GTF2B: variants seen among roughly 807,000 people sequenced by gnomAD.
The protein encoded by GTF2B is general transcription factor IIB.
A neutral mutation model predicts 34.6 loss-of-function variants in GTF2B; 20 were observed. The ratio of observed to expected loss-of-function variants is 0.58; its 90% CI spans 0.41 to 0.84. The LOEUF (loss-of-function observed/expected upper bound fraction) is 0.84. GTF2B is among the 40% of genes least tolerant of loss of function. The probability of loss-of-function intolerance (pLI) is 0.00; values close to 1 mark genes in which losing one functional copy is unlikely to be tolerated. For missense variants in GTF2B, 237 were observed against 393.3 expected (o/e 0.60, Z 3.36); for synonymous variants, 142 against 132.4 (o/e 1.07, Z -0.50).
chr1:88,881,786 C>T (rs1274180090), intron 2 of GTF2B, among the ~76,000 whole-genome samples: 1 of 152,056 alleles, frequency 6.6e-6, no homozygotes, highest in East Asian at 1.9e-4. Context: ...CAAGATTTAA[C>T]ATGGTGTTTG....
At chr1:88,872,520 T>G (rs1279446847) in intron 2 of GTF2B, among the ~76,000 whole-genome samples, 1 of 150,192 alleles carries the variant, frequency 6.7e-6, no homozygotes, top group Non-Finnish European at 1.5e-5. Flanking sequence ...CAAGTCTCTA[T>G]TAATATAATT....
At chr1:88,858,183 T>G (rs1295844494) in intron 5 of GTF2B, among the ~76,000 whole-genome samples, 1 of 151,846 alleles carries the variant, frequency 6.6e-6, no homozygotes, top group Non-Finnish European at 1.5e-5. Context: ...GTATTTTTAG[T>G]AGAGATGGGG....
At chr1:88,856,287 A>AAAAAAAAAAAAAAAAG (rs1673309532) in intron 6 of GTF2B, among the ~76,000 whole-genome samples, 1 of 100,986 alleles carries the variant, frequency 9.9e-6, no homozygotes. Context: ...AAAAAAAAAA[A>AAAAAAAAAAAAAAAAG]AAACAAAAAA....
intron 1 of GTF2B, among the ~76,000 whole-genome samples, chr1:88,890,742 G>A (rs1674179825): frequency 6.6e-6 from 1 of 152,224 alleles, no homozygotes; most frequent in East Asian, 1.9e-4. Flanking sequence ...CAAGATTAAA[G>A]GCTGTTTCTG....
intron 2 of GTF2B, among the ~76,000 whole-genome samples, chr1:88,873,815 C>T (rs1351756027): frequency 6.6e-6 from 1 of 152,196 alleles, no homozygotes; most frequent in Admixed American, 6.5e-5. Context: ...CTAATACTTA[C>T]AAACCCACTG....
At chr1:88,881,358 A>C (rs1673935023) in intron 2 of GTF2B, among the ~76,000 whole-genome samples, 1 of 152,116 alleles carries the variant, frequency 6.6e-6, no homozygotes, top group Non-Finnish European at 1.5e-5. Context: ...TGATGAAATC[A>C]CCTAACGATG....
chr1:88,882,331 A>C (rs899776344), intron 2 of GTF2B, among the ~76,000 whole-genome samples: 9 of 149,544 alleles, frequency 6.0e-5, no homozygotes, highest in East Asian at 3.9e-4. Flanking sequence ...AAAAAAAAAA[A>C]AAAAAACGCT....
At chr1:88,858,926 G>C (rs1479551621) in intron 5 of GTF2B, 2 of 149,432 alleles carry the variant, frequency 1.3e-5, no homozygotes, top group Non-Finnish European at 3.0e-5. Context: ...GGAGTGTAGT[G>C]GCGTGATCTC....
chr1:88,870,079 C>T lies in GTF2B; in HGVS notation c.125-5965G>A, dbSNP rs530460741. Among the ~76,000 whole-genome samples the T allele has an allele frequency of 7.5e-4, 114 of 152,252 alleles. 1 individual carries two copies. The highest frequency in any genetic ancestry group is 1.3e-3 in the Non-Finnish European group (86 of 68,024). On this transcript the variant is annotated intron_variant, in intron 2 of 6. Transcript: ENST00000370500. ...AGTAGCTGGGACTACAGGCGCCCAC[C>T]ACCACGCCTGGCTAATTTTTGTATT...
At chr1:88,877,146 T>C (rs1673835192) in intron 2 of GTF2B, among the ~76,000 whole-genome samples, 1 of 152,200 alleles carries the variant, frequency 6.6e-6, no homozygotes, top group African/African-American at 2.4e-5. Context: ...TTTAAGCACA[T>C]TCCCCAGCTG....
intron 6 of GTF2B, among the ~76,000 whole-genome samples, chr1:88,853,561 T>G (rs1277088529): frequency 6.6e-6 from 1 of 152,082 alleles, no homozygotes; most frequent in African/African-American, 2.4e-5. Flanking sequence ...TCCCAGCACT[T>G]TGGGAGGCCG....
intron 2 of GTF2B, among the ~76,000 whole-genome samples, chr1:88,881,273 G>A (rs1673933458): frequency 6.6e-6 from 1 of 151,726 alleles, no homozygotes; most frequent in South Asian, 2.1e-4. Flanking sequence ...GAAGCAATAG[G>A]CTATACTATG....
At chr1:88,862,108 G>A (rs1200471602) in intron 3 of GTF2B, among the ~76,000 whole-genome samples, 1 of 152,074 alleles carries the variant, frequency 6.6e-6, no homozygotes, top group Non-Finnish European at 1.5e-5. Flanking sequence ...AGCAATGAGG[G>A]AAAACTAGTG....
intron 6 of GTF2B, among the ~76,000 whole-genome samples, chr1:88,856,272 C>CAAAACA (rs1673303004): frequency 2.2e-4 from 11 of 50,028 alleles, no homozygotes; most frequent in South Asian, 7.6e-4. Context: ...GTTTCAAAAA[C>CAAAACA]AAAAAAAAAA....
At chr1:88,866,065 A>T (rs1231116128) in intron 2 of GTF2B, among the ~76,000 whole-genome samples, 1 of 151,954 alleles carries the variant, frequency 6.6e-6, no homozygotes, top group Non-Finnish European at 1.5e-5. Flanking sequence ...AATCTTAGTG[A>T]TAGATTTAAA....
intron 2 of GTF2B, among the ~76,000 whole-genome samples, chr1:88,880,060 T>TAA (rs1384506513): frequency 3.3e-5 from 5 of 150,794 alleles, no homozygotes; most frequent in African/African-American, 1.2e-4. Context: ...CTCCTCCATC[T>TAA]CAAAAAAATA....
At chr1:88,882,031 C>T (rs531057811) in intron 2 of GTF2B, among the ~76,000 whole-genome samples, 1 of 152,082 alleles carries the variant, frequency 6.6e-6, no homozygotes, top group East Asian at 1.9e-4. Flanking sequence ...AAAAATGGGC[C>T]AGGTGCCATA....
intron 2 of GTF2B, among the ~76,000 whole-genome samples, chr1:88,879,753 TA>T (rs1468974541): frequency 6.6e-6 from 1 of 151,968 alleles, no homozygotes; most frequent in Admixed American, 6.6e-5. Context: ...AATTAAACGT[TA>T]ATTAAATATA....
intron 1 of GTF2B, among the ~76,000 whole-genome samples, chr1:88,890,497 G>A (rs556942874): frequency 5.3e-5 from 8 of 152,348 alleles, no homozygotes; most frequent in Admixed American, 1.3e-4. Context: ...CAGAAAAATA[G>A]TGCCAGAGTT....
Sources: allele counts gnomAD v4.1 joint callset (sites outside exome capture counted in the v4.1 genomes callset), GRCh38; gene constraint gnomAD v4.1.1; transcripts MANE v1.5; gene names NCBI Gene and HGNC (gene_info 2026-07-23, HGNC 2026-07-21).